SHQ1: variants seen among roughly 807,000 people sequenced by gnomAD.
SHQ1 encodes the protein protein SHQ1 homolog.
Under a neutral mutation model 53.8 loss-of-function variants are expected in SHQ1, and 49 were observed. The observed-to-expected ratio is 0.91, with a 90% CI of 0.72 to 1.16. SHQ1 has a LOEUF of 1.16. SHQ1 is among the 50% of genes most tolerant of loss of function. The pLI is 0.00. For synonymous variants in SHQ1, 243 were observed against 251.0 expected, an observed-to-expected ratio of 0.97 and a Z score of 0.30; for missense variants, 738 against 683.1, an observed-to-expected ratio of 1.08 and a Z score of -0.90.
chr3:72,789,412 C>G (rs1706366362), intron 10 of SHQ1, among the ~76,000 whole-genome samples: 1 of 152,050 alleles, frequency 6.6e-6, no homozygotes, highest in African/African-American at 2.4e-5. Context: ...TGGCCCAAGA[C>G]AATTCTTCCA....
chr3:72,745,666 C>T (rs899558808), downstream of SHQ1, among the ~76,000 whole-genome samples: 4 of 152,148 alleles, frequency 2.6e-5, no homozygotes, highest in Non-Finnish European at 5.9e-5. Context: ...CCCTGTTCAG[C>T]TCTGGGAAGT....
At chr3:72,802,765 C>T (rs1477819073) in intron 9 of SHQ1, among the ~76,000 whole-genome samples, 3 of 152,146 alleles carry the variant, frequency 2.0e-5, no homozygotes, top group Non-Finnish European at 4.4e-5. Flanking sequence ...TACTAACAAG[C>T]ACTCTATCAG....
Position 72,793,010 on chromosome 3 carries a change from G to T in SHQ1, c.1087C>A (p.Leu363Met). The T allele has an allele frequency of 6.2e-7, 1 of 1,610,558 alleles. No individual in the cohort carries two copies. Among genetic ancestry groups the T allele is most frequent in the Non-Finnish European group, 8.5e-7 (1 of 1,177,892 alleles). ...TCCTGAAAAATTTTGTGAATATCCA[G>T]GAGACACTTTAAAACTGCACTTTTA... ...LGKSAVLKCLLDIHKIFQEND... is the reference protein window; with the variant it reads ...LGKSAVLKCLMDIHKIFQEND... Residue 363 changes from leucine (L) to methionine (M), a missense_variant, in exon 10 of 11, where the codon CTG becomes ATG. Leu to Met is a conservative substitution (Grantham distance 15). Coordinates refer to ENST00000325599, the MANE Select transcript of SHQ1 (RefSeq NM_018130.3).
chr3:72,758,051 CTTT>C (rs1705534766), intron 10 of SHQ1, among the ~76,000 whole-genome samples: 1 of 152,184 alleles, frequency 6.6e-6, no homozygotes, highest in South Asian at 2.1e-4. Context: ...CAGTTCCATA[CTTT>C]AGGTTCCTTG....
intron 4 of SHQ1, among the ~76,000 whole-genome samples, chr3:72,833,499 TAGACAGACAGAC>T (rs58448242): frequency 0.013 from 494 of 37,448 alleles, 2 homozygotes; most frequent in Non-Finnish European, 0.023. Context: ...GATAGATAGA[TAGACAGACAGAC>T]AGACAGATAG....
In SHQ1 at chr3:72,844,218, C is replaced by T. The variant is rs565244548; in HGVS notation, c.208+141G>A. ...GGGAACATCAATAACAGGCACTGGA[C>T]ACTAAGAAACAAGAAAGAGTGATAG... On this transcript the variant is annotated intron_variant, in intron 2 of 10. Transcript: ENST00000325599. 206 of 673,144 alleles carry T rather than the reference C, an allele frequency of 3.1e-4. 6 individuals are homozygous for T. In the South Asian group the frequency reaches 4.0e-3, roughly 13 times the overall value. The allele number at this position is 673,144 out of a possible 1,614,324, so 41.7% of individuals were successfully genotyped here.
At chr3:72,791,601 C>T (rs558184887) in intron 10 of SHQ1, among the ~76,000 whole-genome samples, 11 of 152,180 alleles carry the variant, frequency 7.2e-5, no homozygotes, top group East Asian at 1.9e-4. Flanking sequence ...TCAATCATGG[C>T]GGTAGCAAAA....
intron 10 of SHQ1, among the ~76,000 whole-genome samples, chr3:72,784,034 T>TA (rs1706149359): frequency 6.6e-6 from 1 of 151,962 alleles, no homozygotes; most frequent in African/African-American, 2.4e-5. Context: ...CATTCCAATA[T>TA]AAGAGGTTAA....
At chr3:72,830,808 G>A (rs1010030800) in intron 5 of SHQ1, among the ~76,000 whole-genome samples, 10 of 152,132 alleles carry the variant, frequency 6.6e-5, no homozygotes, top group African/African-American at 1.2e-4. Flanking sequence ...TGAGCTTCTG[G>A]ATAAAGACAC....
intron 5 of SHQ1, among the ~76,000 whole-genome samples, chr3:72,827,464 T>G (rs1300220560): frequency 6.6e-6 from 1 of 151,894 alleles, no homozygotes; most frequent in Non-Finnish European, 1.5e-5. Flanking sequence ...GCTGTTTTCC[T>G]CCCCAAGGGA....
chr3:72,766,116 T>A (rs1287079546), intron 10 of SHQ1, among the ~76,000 whole-genome samples: 1 of 152,108 alleles, frequency 6.6e-6, no homozygotes, highest in East Asian at 1.9e-4. Flanking sequence ...CACTGAAAGG[T>A]GACCTTGGGG....
At chr3:72,781,609 T>C (rs528837179) in intron 10 of SHQ1, among the ~76,000 whole-genome samples, 1 of 152,250 alleles carries the variant, frequency 6.6e-6, no homozygotes, top group East Asian at 1.9e-4. Context: ...GAGTCTTTAA[T>C]TGGCAGAGAC....
At chr3:72,781,235 A>C (rs1346137305) in intron 10 of SHQ1, among the ~76,000 whole-genome samples, 1 of 151,512 alleles carries the variant, frequency 6.6e-6, no homozygotes, top group Non-Finnish European at 1.5e-5. Flanking sequence ...TTGTATTCTT[A>C]AGTAGAGATG....
chr3:72,835,743 T>C (rs1245811963), intron 4 of SHQ1, among the ~76,000 whole-genome samples: 1 of 152,218 alleles, frequency 6.6e-6, no homozygotes, highest in Non-Finnish European at 1.5e-5. Context: ...TTTCCATTTC[T>C]AGATAACGTC....
At chr3:72,751,508 G>GTGTGTGTGTGTGTGTATATATATATATA (rs1210782182) in intron 10 of SHQ1, among the ~76,000 whole-genome samples, 8 of 116,974 alleles carry the variant, frequency 6.8e-5, no homozygotes, top group African/African-American at 3.5e-4. Flanking sequence ...GTGTGTGTGT[G>GTGTGTGTGTGTGTGTATATATATATATA]TATATATATA....
intron 10 of SHQ1, among the ~76,000 whole-genome samples, chr3:72,759,300 G>C (rs1416004127): frequency 1.3e-5 from 2 of 152,174 alleles, no homozygotes; most frequent in South Asian, 2.1e-4. Flanking sequence ...ATCAATAGTG[G>C]AGATGCTCAT....
intron 8 of SHQ1, among the ~76,000 whole-genome samples, chr3:72,815,071 C>T (rs1707267681): frequency 6.6e-6 from 1 of 152,092 alleles, no homozygotes; most frequent in South Asian, 2.1e-4. Flanking sequence ...CCAATACATG[C>T]CAACTTACAA....
intron 7 of SHQ1, among the ~76,000 whole-genome samples, chr3:72,816,731 A>G (rs1200037608): frequency 6.6e-6 from 1 of 152,224 alleles, no homozygotes; most frequent in Non-Finnish European, 1.5e-5. Flanking sequence ...AAAAAATCTG[A>G]TTTACATATA....
At chr3:72,774,800 G>A (rs970191441) in intron 10 of SHQ1, among the ~76,000 whole-genome samples, 9 of 152,104 alleles carry the variant, frequency 5.9e-5, no homozygotes, top group African/African-American at 2.2e-4. Context: ...TGAAATAGAA[G>A]ACAGACAAAG....
Sources: gnomAD v4.1 joint callset for allele counts (sites outside exome capture counted in the v4.1 genomes callset) on GRCh38, gnomAD v4.1.1 for gene constraint, MANE v1.5 for transcripts, NCBI Gene and HGNC (gene_info 2026-07-23, HGNC 2026-07-21) for gene names.